The following MINDY4 variants were observed in gnomAD, a reference collection of about 807,000 sequenced individuals.
MINDY4 encodes probable ubiquitin carboxyl-terminal hydrolase MINDY-4.
Under a neutral mutation model 87.0 loss-of-function variants are expected in MINDY4, and 68 were observed. That is an observed-to-expected ratio of 0.78 (90% confidence interval 0.64 to 0.96). MINDY4 has a LOEUF of 0.96. MINDY4 is among the 40% of genes least tolerant of loss of function. The pLI is 0.00. For synonymous variants in MINDY4, 379 were observed against 363.2 expected (o/e 1.04, Z -0.50); for missense variants, 919 against 928.2 (o/e 0.99, Z 0.13).
chr7:30,801,089 C>T (rs937750708), intron 5 of MINDY4, among the ~76,000 whole-genome samples: 27 of 152,218 alleles, frequency 1.8e-4, no homozygotes, highest in African/African-American at 6.3e-4. Context: ...GAGTGAAAGC[C>T]ACGGGCGCAC....
At chr7:30,806,885 A>G (rs112539442) in intron 5 of MINDY4, among the ~76,000 whole-genome samples, 49 of 152,344 alleles carry the variant, frequency 3.2e-4, no homozygotes, top group African/African-American at 1.1e-3. Flanking sequence ...GCCTAGGCCC[A>G]TGTGGCTGTG....
chr7:30,853,554 C>T (rs1789482956), intron 12 of MINDY4, 95 bp downstream of exon 12: 17 of 1,127,204 alleles, frequency 1.5e-5, no homozygotes, highest in East Asian at 2.6e-5. Flanking sequence ...GTTCTCCTGT[C>T]GTCCCACCCT....
intron 9 of MINDY4, among the ~76,000 whole-genome samples, chr7:30,849,033 A>G (rs536201877): frequency 6.6e-6 from 1 of 152,304 alleles, no homozygotes; most frequent in South Asian, 2.1e-4. Flanking sequence ...TTTATGGATG[A>G]GGAAACTGAG....
chr7:30,876,446 C>T (rs1790261498), intron 15 of MINDY4, among the ~76,000 whole-genome samples: 1 of 152,190 alleles, frequency 6.6e-6, no homozygotes, highest in Non-Finnish European at 1.5e-5. Flanking sequence ...AGGCACAGTT[C>T]AACCCATAGT....
chr7:30,800,710 C>T (rs73685797), intron 5 of MINDY4, among the ~76,000 whole-genome samples: 4,822 of 152,262 alleles, frequency 0.032, 273 homozygotes, highest in African/African-American at 0.11. Flanking sequence ...GAAGGAATGG[C>T]TGTACTTTTA....
chr7:30,834,421 G>C (rs756219513), intron 6 of MINDY4, among the ~76,000 whole-genome samples: 1 of 152,210 alleles, frequency 6.6e-6, no homozygotes, highest in Non-Finnish European at 1.5e-5. Context: ...AGGGCACCAA[G>C]TCCTTATGCT....
At chr7:30,832,456 A>G (rs915448224) in intron 6 of MINDY4, among the ~76,000 whole-genome samples, 2 of 152,164 alleles carry the variant, frequency 1.3e-5, no homozygotes, top group African/African-American at 4.8e-5. Flanking sequence ...AACATTCTCA[A>G]TGTTGGTCTT....
At chr7:30,852,047 C>T (rs962154256) in intron 10 of MINDY4, among the ~76,000 whole-genome samples, 169 bp from the exon 11 acceptor site, 3 of 151,924 alleles carry the variant, frequency 2.0e-5, no homozygotes, top group Non-Finnish European at 4.4e-5. Context: ...TGGGCCCAGC[C>T]TAGTGGGTGA....
chr7:30,813,069 G>C (rs1425123183), intron 5 of MINDY4, among the ~76,000 whole-genome samples: 1 of 152,206 alleles, frequency 6.6e-6, no homozygotes, highest in Non-Finnish European at 1.5e-5. Context: ...TGGGGAGGGA[G>C]ACGATGGTGG....
At chr7:30,877,052 C>T (rs1376756747) in intron 15 of MINDY4, among the ~76,000 whole-genome samples, 1 of 152,138 alleles carries the variant, frequency 6.6e-6, no homozygotes, top group Non-Finnish European at 1.5e-5. Flanking sequence ...ATGCCAAAAG[C>T]AGACTTCTGG....
intron 6 of MINDY4, 97 bp downstream of exon 6, chr7:30,828,834 T>G (rs1366857620): frequency 8.7e-7 from 1 of 1,145,346 alleles, no homozygotes; most frequent in African/African-American, 1.5e-5. Flanking sequence ...CCCCTTTCCT[T>G]CCACCTGACC....
chr7:30,873,904 C>G (rs1790184357), intron 14 of MINDY4, among the ~76,000 whole-genome samples: 1 of 152,216 alleles, frequency 6.6e-6, no homozygotes, highest in South Asian at 2.1e-4. Context: ...ATTTCCTCTA[C>G]AAGGACACAA....
chr7:30,787,278 GAT>G (rs1787184798), intron 4 of MINDY4, among the ~76,000 whole-genome samples: 1 of 152,232 alleles, frequency 6.6e-6, no homozygotes, highest in Non-Finnish European at 1.5e-5. Flanking sequence ...GCCACATCTT[GAT>G]GTCATACCCC....
At chr7:30,784,763 T>G (rs1787106084) in intron 3 of MINDY4, among the ~76,000 whole-genome samples, 1 of 152,138 alleles carries the variant, frequency 6.6e-6, no homozygotes, top group Non-Finnish European at 1.5e-5. Context: ...GCCTCTTCTC[T>G]GCCTGACATG....
intron 3 of MINDY4, among the ~76,000 whole-genome samples, chr7:30,783,885 TA>T (rs1787075631): frequency 6.6e-6 from 1 of 152,198 alleles, no homozygotes; most frequent in South Asian, 2.1e-4. Flanking sequence ...TAAGCTCTTT[TA>T]AAAATCTTAT....
At chr7:30,830,495 T>TGC (rs1788666494) in intron 6 of MINDY4, among the ~76,000 whole-genome samples, 1 of 152,130 alleles carries the variant, frequency 6.6e-6, no homozygotes, top group Non-Finnish European at 1.5e-5. Context: ...CTCAGGAAAC[T>TGC]TACAATCGTG....
chr7:30,799,826 T>C (rs1452337003), intron 5 of MINDY4, among the ~76,000 whole-genome samples: 1 of 151,858 alleles, frequency 6.6e-6, no homozygotes, highest in Non-Finnish European at 1.5e-5. Context: ...CAGGAGGAAG[T>C]GGGGTGAGGA....
At chr7:30,843,300 G>A (rs918986691) in intron 9 of MINDY4, among the ~76,000 whole-genome samples, 1 of 152,226 alleles carries the variant, frequency 6.6e-6, no homozygotes, top group African/African-American at 2.4e-5. Context: ...CACTGGGGGT[G>A]GTTAGGGCAG....
intron 5 of MINDY4, chr7:30,803,257 A>G (rs1787710961): frequency 6.6e-6 from 1 of 152,218 alleles, no homozygotes; most frequent in South Asian, 2.1e-4. Context: ...CTGCCTGAGT[A>G]TAGGGGTGAC....
Sources: allele counts gnomAD v4.1 joint callset (sites outside exome capture counted in the v4.1 genomes callset), GRCh38; gene constraint gnomAD v4.1.1; transcripts MANE v1.5; gene names NCBI Gene and HGNC (gene_info 2026-07-23, HGNC 2026-07-21).